Variants in TKT observed in about 807,000 individuals in gnomAD.
TKT encodes the protein transketolase.
Under a neutral mutation model 63.9 loss-of-function variants are expected in TKT, and 47 were observed. The observed-to-expected ratio is 0.74, with a 90% CI of 0.58 to 0.94. The LOEUF (loss-of-function observed/expected upper bound fraction) is 0.94. Among genes scored for constraint, TKT ranks in the 40% least tolerant of loss-of-function variants. The probability of loss-of-function intolerance (pLI) is 0.00; values close to 1 mark genes in which losing one functional copy is unlikely to be tolerated. For synonymous variants in TKT, 338 were observed against 334.1 expected, an observed-to-expected ratio of 1.01 and a Z score of -0.13; for missense variants, 721 against 846.2, an observed-to-expected ratio of 0.85 and a Z score of 1.84.
At chr3:53,240,731 T>A (rs1474127345) in intron 3 of TKT, among the ~76,000 whole-genome samples, 3 of 152,140 alleles carry the variant, frequency 2.0e-5, no homozygotes, top group Non-Finnish European at 4.4e-5. Flanking sequence ...AGTCTTAACG[T>A]TTGCAGGGAT....
In TKT at chr3:53,242,240, T is replaced by G. The variant is rs1553680078; in HGVS notation, c.110A>C (p.His37Pro). ...IQATTAAGSG[H>P]PTSCCSAAEI... ...TGCGGCGCTGCAGCATGACGTGGGGTGGCTGTGGCCCAGGAGAGAAGACAG... is the reference window on the plus strand; with the variant it reads ...TGCGGCGCTGCAGCATGACGTGGGGGGGCTGTGGCCCAGGAGAGAAGACAG... The change falls in exon 2 of 14, where the codon CAC (histidine) becomes CCC (proline). Residue 37 changes from histidine to proline, a missense_variant and splice_region_variant. Physicochemically the swap from His to Pro is moderately conservative, Grantham distance 77. Transcript: ENST00000462138. 1.1e-5 allele frequency: 18 copies of G among 1,613,734 alleles called. No homozygotes were observed. The highest frequency in any genetic ancestry group is 1.5e-5 in the Non-Finnish European group (18 of 1,179,922).
At chr3:53,253,875 T>C (rs1265377545) in intron 1 of TKT, among the ~76,000 whole-genome samples, 3 of 152,180 alleles carry the variant, frequency 2.0e-5, no homozygotes, top group Admixed American at 6.5e-5. Context: ...GTGCTGTGAT[T>C]ACAGGCATGA....
chr3:53,226,516 T>C, intron 13 of TKT: 3 of 533,148 alleles, frequency 5.6e-6, no homozygotes, highest in Non-Finnish European at 3.3e-6. Context: ...GAGGTTGGAA[T>C]CCTCACCAGC....
chr3:53,225,749 A>T lies in TKT; in HGVS notation c.*7T>A, dbSNP rs1469348803. ...TATAGACCCCCGCCCCACACTTCAT[A>T]CCCGCCCTAGGCCTTGGTGATGAGG... On this transcript the variant is annotated 3_prime_UTR_variant, in exon 14 of 14. Transcript: ENST00000462138. The T allele has an allele frequency of 2.5e-6, 4 of 1,604,398 alleles. No individual in the cohort carries two copies. Among genetic ancestry groups the T allele is most frequent in the African/African-American group, 1.3e-5 (1 of 74,672 alleles).
chr3:53,244,677 G>A (rs1010841574), intron 1 of TKT, among the ~76,000 whole-genome samples: 1 of 152,148 alleles, frequency 6.6e-6, no homozygotes, highest in Non-Finnish European at 1.5e-5. Flanking sequence ...ATTTAAGCCT[G>A]TGGCCTCCTC....
intron 1 of TKT, 68 bp downstream of exon 1, chr3:53,255,768 G>T: frequency 1.8e-6 from 2 of 1,105,940 alleles, no homozygotes; most frequent in Non-Finnish European, 1.2e-6. Flanking sequence ...AGCCCGCGGC[G>T]ACTCTGGCCG....
chr3:53,228,311 T>G lies in TKT; in HGVS notation c.1444A>C (p.Asn482His), dbSNP rs1368047165. The change falls in exon 11 of 14, where the codon AAC becomes CAC. Residue 482 changes from asparagine to histidine, a missense_variant. Physicochemically the swap from Asn to His is moderately conservative, Grantham distance 68. Coordinates refer to ENST00000462138, the MANE Select transcript of TKT (RefSeq NM_001064.4). ...CCGACCTGGAAGTCCTCATTGTTGT[T>G]ATAGATGATGGCATTTTCTGGGCGG... ...TSRPENAIIY[N>H]NNEDFQVGQA... The G allele has an allele frequency of 7.4e-6, 12 of 1,614,046 alleles. No homozygotes were observed. The highest frequency in any genetic ancestry group is 1.0e-5 in the Non-Finnish European group (12 of 1,180,042).
At chr3:53,235,360 C>T (rs1032350784) in intron 4 of TKT, 186 bp from the exon 5 acceptor site, 1 of 518,746 alleles carries the variant, frequency 1.9e-6, no homozygotes, top group African/African-American at 1.9e-5. Context: ...CCACAAGCCA[C>T]ACCCCAAGAG....
chr3:53,230,337 A>T (rs1282727013), intron 8 of TKT, 120 bp downstream of exon 8: 4 of 1,326,774 alleles, frequency 3.0e-6, no homozygotes, highest in Non-Finnish European at 4.2e-6. Context: ...GGCTTTTCTT[A>T]TAGTCTCCCT....
intron 6 of TKT, chr3:53,232,625 C>T (rs1360194850): frequency 7.5e-6 from 3 of 398,410 alleles, no homozygotes; most frequent in South Asian, 1.3e-4. Flanking sequence ...GAGTGACTTA[C>T]GCCTGCCTCA....
intron 1 of TKT, among the ~76,000 whole-genome samples, chr3:53,252,695 C>G (rs1365302253): frequency 6.6e-6 from 1 of 152,182 alleles, no homozygotes; most frequent in South Asian, 2.1e-4. Context: ...TGACATTCCA[C>G]TCTTTTGGAG....
intron 7 of TKT, 108 bp downstream of exon 7, chr3:53,231,248 TA>T: frequency 7.8e-7 from 1 of 1,278,426 alleles, no homozygotes; most frequent in Non-Finnish European, 1.1e-6. Context: ...CTCCTCGCCC[TA>T]AATGAATCGC....
At chr3:53,231,732 T>C (rs941331896) in intron 6 of TKT, 182 bp from the exon 7 acceptor site, 2 of 620,082 alleles carry the variant, frequency 3.2e-6, no homozygotes, top group Non-Finnish European at 5.6e-6. Flanking sequence ...GTGAATAGGA[T>C]GGACTCCTAC....
rs532725337 is a variant in TKT at position 53,228,077 on chromosome 3, C to T, written c.1552G>A (p.Ala518Thr). 1.9e-5 allele frequency: 30 copies of T among 1,612,958 alleles called. No homozygotes were observed. The highest frequency in any genetic ancestry group is 1.0e-4 in the Admixed American group (6 of 60,022). ...TCACCTTTCTTCAGCAGTTCGGCAG[C>T]GGCCAAGGCCTCGTGCAGGGTCACC... is the stretch of plus-strand genomic sequence containing the variant. ...AGVTLHEALA[A>T]AELLKKEKIN... The change falls in exon 12 of 14, where the codon GCT (alanine) becomes ACT (threonine). Residue 518 changes from alanine (A) to threonine (T), a missense_variant. By Grantham distance (58) the Ala-to-Thr change is moderately conservative. Coordinates refer to ENST00000462138, the MANE Select transcript of TKT (RefSeq NM_001064.4).
chr3:53,228,442 C>T (rs1704599985), intron 10 of TKT, 83 bp from the exon 11 acceptor site: 2 of 1,495,296 alleles, frequency 1.3e-6, no homozygotes, highest in Admixed American at 3.4e-5. Context: ...GAGGCCATCC[C>T]TTCCCATGGG....
At position 53,225,893 on chromosome 3, in the gene TKT, C is replaced by G; in HGVS notation, c.1735G>C (p.Glu579Gln). ...AGGTGGGTGACAGTGATGCCAGGCT[C>G]GCCCACTACTGCACTGGACACAGCC... Reference protein sequence around the residue: ...GEAVSSAVVGEPGITVTHLAV... With the variant: ...GEAVSSAVVGQPGITVTHLAV... The change falls in exon 14 of 14, where the codon GAG becomes CAG. Residue 579 changes from glutamate to glutamine, a missense_variant. Physicochemically the swap from Glu to Gln is conservative, Grantham distance 29. Transcript: ENST00000462138. 6.2e-7 allele frequency: 1 copy of G among 1,613,664 alleles called. No individual in the cohort carries two copies. Among genetic ancestry groups the G allele is most frequent in the Non-Finnish European group, 8.5e-7 (1 of 1,179,938 alleles).
At chr3:53,245,181 C>T (rs889091871) in intron 1 of TKT, among the ~76,000 whole-genome samples, 4 of 151,726 alleles carry the variant, frequency 2.6e-5, no homozygotes, top group Admixed American at 1.3e-4. Flanking sequence ...TGGTGGACGC[C>T]TGTAATCCCA....
At chr3:53,232,489 C>T (rs1375076589) in intron 6 of TKT, 4 of 398,774 alleles carry the variant, frequency 1.0e-5, no homozygotes, top group South Asian at 2.5e-4. Flanking sequence ...ATCAGCCCCC[C>T]TCGTGCCATA....
chr3:53,242,605 G>A (rs1705331671), intron 1 of TKT, among the ~76,000 whole-genome samples: 1 of 152,188 alleles, frequency 6.6e-6, no homozygotes, highest in Non-Finnish European at 1.5e-5. Flanking sequence ...ACTGCGGCTG[G>A]GGGCAGCTGC....
Sources: gnomAD v4.1 joint callset for allele counts (sites outside exome capture counted in the v4.1 genomes callset) on GRCh38, gnomAD v4.1.1 for gene constraint, MANE v1.5 for transcripts, NCBI Gene and HGNC (gene_info 2026-07-23, HGNC 2026-07-21) for gene names.